Variants in USP24 observed in about 807,000 individuals in gnomAD.
USP24 encodes ubiquitin specific peptidase 24, also known as ubiquitin carboxyl-terminal hydrolase 24.
USP24 carries 97 observed loss-of-function variants against 361.6 expected under a neutral mutation model. The observed-to-expected ratio is 0.27, with a 90% CI of 0.23 to 0.32. The LOEUF is 0.32. Ranked by LOEUF, USP24 falls within the 10% of genes least tolerant of loss-of-function variation. USP24 has a pLI of 1.00. For missense variants in USP24, 2,353 were observed against 3,165.6 expected (o/e 0.74, Z 6.16); for synonymous variants, 1,098 against 1,124.6 (o/e 0.98, Z 0.47).
chr1:55,068,418 C>A lies in USP24; in HGVS notation c.*627G>T, dbSNP rs1400209032. On this transcript the variant is annotated 3_prime_UTR_variant, in exon 68 of 68. Coordinates refer to ENST00000294383, the MANE Select transcript of USP24 (RefSeq NM_015306.3). The stretch of plus-strand genomic sequence containing the variant: ...GTATTTCCCAATTTTTGATCCTGAT[C>A]CTGGTAACCTTTCATCAAGATCCAA... The A allele has an allele frequency of 1.3e-5, 2 of 152,162 alleles. No individual in the cohort carries two copies. Among genetic ancestry groups the A allele is most frequent in the African/African-American group, 4.8e-5 (2 of 41,440 alleles). 9.4% of individuals were successfully genotyped at this position (152,162 alleles called of 1,614,324 possible).
chr1:55,091,008 C>A (rs371669097), intron 54 of USP24, among the ~76,000 whole-genome samples: 1 of 152,100 alleles, frequency 6.6e-6, no homozygotes. Flanking sequence ...CGCTTGAACC[C>A]GGGACACAGA....
chr1:55,185,795 T>C (rs1424676087), intron 1 of USP24, among the ~76,000 whole-genome samples: 1 of 151,970 alleles, frequency 6.6e-6, no homozygotes, highest in East Asian at 1.9e-4. Flanking sequence ...TCTCACACTC[T>C]TGGGCTCAAG....
At chr1:55,188,454 TA>T (rs200553097) in intron 1 of USP24, among the ~76,000 whole-genome samples, 464 of 151,330 alleles carry the variant, frequency 3.1e-3, no homozygotes, top group Admixed American at 5.6e-3. Flanking sequence ...ATAGATCTGA[TA>T]AAAGATTTGC....
At chr1:55,077,573 C>T (rs181282027) in intron 61 of USP24, among the ~76,000 whole-genome samples, 97 of 152,298 alleles carry the variant, frequency 6.4e-4, no homozygotes, top group Middle Eastern at 3.4e-3. Context: ...AGTCACTAAA[C>T]AGATCCGATT....
intron 1 of USP24, among the ~76,000 whole-genome samples, chr1:55,208,928 TC>T (rs1226722207): frequency 6.6e-6 from 1 of 151,562 alleles, no homozygotes; most frequent in African/African-American, 2.4e-5. Context: ...AGAGCAAAAC[TC>T]CATCTTAAAA....
intron 1 of USP24, among the ~76,000 whole-genome samples, chr1:55,178,515 A>G (rs1294723602): frequency 6.6e-6 from 1 of 151,846 alleles, no homozygotes; most frequent in Non-Finnish European, 1.5e-5. Flanking sequence ...AAAAATACAA[A>G]AAAATTAGCC....
In USP24 at chr1:55,070,597, C is replaced by A. The variant is rs572046972; in HGVS notation, c.7800+1217G>T. 4.6e-5 allele frequency among the ~76,000 whole-genome samples: 7 copies of A among 152,112 alleles called. No individual in the cohort carries two copies. The East Asian group carries it at 1.2e-3, about 25-fold the overall frequency. ...AGTTAGCAGGGAAGAGGCTGAAGAG[C>A]GAGTGAGAGATAAGAAAATGGGGAA... On this transcript the variant is annotated intron_variant, in intron 67 of 67. Coordinates refer to ENST00000294383, the MANE Select transcript of USP24 (RefSeq NM_015306.3).
intron 32 of USP24, among the ~76,000 whole-genome samples, chr1:55,127,515 C>A (rs974594358): frequency 1.5e-4 from 23 of 152,198 alleles, no homozygotes; most frequent in Admixed American, 1.1e-3. Context: ...GTGAATAGTG[C>A]CGCAATAAAC....
At chr1:55,112,306 C>T (rs972964124) in intron 38 of USP24, among the ~76,000 whole-genome samples, 2 of 151,996 alleles carry the variant, frequency 1.3e-5, no homozygotes, top group African/African-American at 4.8e-5. Context: ...TATTTTTTGC[C>T]TTCTGCTAGC....
chr1:55,194,916 G>A (rs905533554), intron 1 of USP24, among the ~76,000 whole-genome samples: 6 of 151,980 alleles, frequency 3.9e-5, no homozygotes, highest in African/African-American at 1.2e-4. Context: ...TGTGTTGCTC[G>A]GACTGCTGCA....
intron 16 of USP24, among the ~76,000 whole-genome samples, chr1:55,153,154 A>G (rs1404362876): frequency 6.6e-6 from 1 of 152,190 alleles, no homozygotes. Context: ...CTGCAACAAC[A>G]GAAGCACAGT....
intron 1 of USP24, among the ~76,000 whole-genome samples, chr1:55,209,240 C>T (rs1644791426): frequency 6.6e-6 from 1 of 152,084 alleles, no homozygotes. Context: ...CTGAAGCCTA[C>T]TTCTTTATCC....
At chr1:55,184,020 GT>G (rs1644054779) in intron 1 of USP24, among the ~76,000 whole-genome samples, 1 of 152,152 alleles carries the variant, frequency 6.6e-6, no homozygotes, top group African/African-American at 2.4e-5. Flanking sequence ...CTGAAAAGCT[GT>G]TACTAGAGAC....
intron 2 of USP24, among the ~76,000 whole-genome samples, chr1:55,177,123 CA>C (rs951037218): frequency 6.7e-6 from 1 of 149,436 alleles, no homozygotes; most frequent in African/African-American, 2.5e-5. Flanking sequence ...AAAACAAAAA[CA>C]AAAACCAAAA....
rs796241766 is a variant in USP24 at position 55,103,965 on chromosome 1, C to T, written c.4936G>A (p.Asp1646Asn). The change falls in exon 42 of 68, where the codon GAT becomes AAT. Residue 1646 changes from aspartate (D) to asparagine (N), a missense_variant. Transcript: ENST00000294383. ...ATTTGAAGATTTGAAGGTGAACTAT[C>T]AGCCAACATCACAAGGACTTCATAG... ...AAYEVLVMLADSSPSNLQIII... is the reference protein window; with the variant it reads ...AAYEVLVMLANSSPSNLQIII... The T allele has an allele frequency of 9.9e-6, 16 of 1,611,288 alleles. 1 individual carries two copies. In the South Asian group the frequency reaches 1.0e-4, roughly 10 times the overall value.
intron 15 of USP24, 81 bp downstream of exon 15, chr1:55,154,036 CAG>C (rs1647369560): frequency 2.5e-6 from 4 of 1,592,788 alleles, no homozygotes; most frequent in East Asian, 2.2e-5. Flanking sequence ...ATTTACATAA[CAG>C]GGGAGGAAAA....
intron 51 of USP24, among the ~76,000 whole-genome samples, chr1:55,094,958 A>G (rs1176877110): frequency 6.6e-6 from 1 of 152,014 alleles, no homozygotes; most frequent in Non-Finnish European, 1.5e-5. Flanking sequence ...AGCTATGATC[A>G]TGCCACTGCA....
chr1:55,181,986 T>G (rs1643981614), intron 1 of USP24, among the ~76,000 whole-genome samples: 1 of 152,156 alleles, frequency 6.6e-6, no homozygotes, highest in Non-Finnish European at 1.5e-5. Context: ...AAAGGCCAGG[T>G]GAGGACACAG....
intron 5 of USP24, among the ~76,000 whole-genome samples, 183 bp from the exon 6 acceptor site, chr1:55,166,786 A>G (rs1194426174): frequency 6.6e-6 from 1 of 152,122 alleles, no homozygotes; most frequent in Non-Finnish European, 1.5e-5. Flanking sequence ...TGATTTTGGG[A>G]GTCTGTAAGT....
Sources: gnomAD v4.1 joint callset for allele counts (sites outside exome capture counted in the v4.1 genomes callset) on GRCh38, gnomAD v4.1.1 for gene constraint, MANE v1.5 for transcripts, NCBI Gene and HGNC (gene_info 2026-07-23, HGNC 2026-07-21) for gene names.